Variants in NTM observed in about 807,000 individuals in gnomAD.
NTM encodes the protein IgLON family member 2.
NTM carries 13 observed loss-of-function variants against 42.1 expected under a neutral mutation model. The ratio of observed to expected loss-of-function variants is 0.31; its 90% CI spans 0.20 to 0.49. NTM has a LOEUF of 0.49. Ranked by LOEUF, NTM falls within the 20% of genes least tolerant of loss-of-function variation. The probability of loss-of-function intolerance (pLI) is 0.99; values close to 1 mark genes in which losing one functional copy is unlikely to be tolerated. For synonymous variants in NTM, 187 were observed against 179.2 expected, an observed-to-expected ratio of 1.04 and a Z score of -0.35; for missense variants, 373 against 452.8, an observed-to-expected ratio of 0.82 and a Z score of 1.60.
chr11:131,424,565 G>A (rs928782893), intron 1 of NTM, among the ~76,000 whole-genome samples: 4 of 116,292 alleles, frequency 3.4e-5, no homozygotes, highest in African/African-American at 1.3e-4. Flanking sequence ...CGTCTAGTTT[G>A]CAATTGCTTA....
chr11:132,162,177 G>A (rs751042157), intron 3 of NTM, among the ~76,000 whole-genome samples: 89 of 152,172 alleles, frequency 5.8e-4, no homozygotes, highest in South Asian at 1.2e-3. Flanking sequence ...GGGTATTTGT[G>A]TTTTGGGGGG....
intron 1 of NTM, among the ~76,000 whole-genome samples, chr11:131,561,131 G>A (rs1287631663): frequency 6.6e-6 from 1 of 152,202 alleles, no homozygotes; most frequent in East Asian, 1.9e-4. Flanking sequence ...GAGGAGAAAT[G>A]GGTTATTTCG....
intron 1 of NTM, among the ~76,000 whole-genome samples, chr11:131,844,105 A>T (rs1452401684): frequency 6.6e-6 from 1 of 152,046 alleles, no homozygotes; most frequent in African/African-American, 2.4e-5. Flanking sequence ...ATAATTTCCT[A>T]CCCGAAAAAC....
chr11:131,947,313 T>C (rs577377519), intron 2 of NTM, among the ~76,000 whole-genome samples: 2 of 152,202 alleles, frequency 1.3e-5, no homozygotes, highest in Admixed American at 6.5e-5. Context: ...TCTTCCCACC[T>C]GATGCTACTT....
intron 1 of NTM, among the ~76,000 whole-genome samples, chr11:131,792,570 T>C (rs574943711): frequency 6.6e-6 from 1 of 152,318 alleles, no homozygotes; most frequent in East Asian, 1.9e-4. Context: ...TTCATCTCTA[T>C]TTAATGCCAT....
At chr11:131,960,867 A>G (rs1415499714) in intron 2 of NTM, among the ~76,000 whole-genome samples, 1 of 152,148 alleles carries the variant, frequency 6.6e-6, no homozygotes, top group Non-Finnish European at 1.5e-5. Context: ...TGGAACTTTC[A>G]TCCTGAAGAT....
At chr11:132,138,144 CT>C (rs2068311715) in intron 2 of NTM, among the ~76,000 whole-genome samples, 1 of 152,128 alleles carries the variant, frequency 6.6e-6, no homozygotes, top group Non-Finnish European at 1.5e-5. Context: ...CCAAATTGCC[CT>C]GAAAGCAAGC....
intron 2 of NTM, among the ~76,000 whole-genome samples, chr11:132,011,014 G>A (rs1192205687): frequency 6.6e-6 from 1 of 150,916 alleles, no homozygotes; most frequent in Non-Finnish European, 1.5e-5. Context: ...TCTCGTATGG[G>A]CATTATCACA....
At chr11:131,916,236 C>T (rs1486224941) in intron 2 of NTM, among the ~76,000 whole-genome samples, 1 of 152,198 alleles carries the variant, frequency 6.6e-6, no homozygotes. Context: ...GCCCCAGAAG[C>T]CCCAATGCAT....
At chr11:132,253,978 G>C (rs923732120) in intron 4 of NTM, among the ~76,000 whole-genome samples, 5 of 152,150 alleles carry the variant, frequency 3.3e-5, no homozygotes, top group Admixed American at 3.3e-4. Context: ...ATGGAGTCTG[G>C]AGAAATGAGG....
intron 6 of NTM, among the ~76,000 whole-genome samples, chr11:132,313,458 A>G (rs1023494836): frequency 2.0e-5 from 3 of 150,546 alleles, no homozygotes; most frequent in African/African-American, 7.5e-5. Context: ...GAGATCCTTC[A>G]TCAAGAAGGG....
intron 4 of NTM, among the ~76,000 whole-genome samples, chr11:132,297,358 C>A (rs1029622148): frequency 6.6e-6 from 1 of 152,174 alleles, no homozygotes; most frequent in East Asian, 1.9e-4. Context: ...GGAAAGCCTG[C>A]GTTTTGCTCT....
At chr11:131,407,906 T>C (rs1296538442) in intron 1 of NTM, among the ~76,000 whole-genome samples, 3 of 152,336 alleles carry the variant, frequency 2.0e-5, no homozygotes, top group Middle Eastern at 3.4e-3. Context: ...ACCAGAGTGG[T>C]GCTAAATTGT....
intron 1 of NTM, among the ~76,000 whole-genome samples, chr11:131,453,178 A>G (rs774129086): frequency 8.5e-5 from 13 of 152,186 alleles, no homozygotes; most frequent in Non-Finnish European, 1.8e-4. Flanking sequence ...TCAGCCCCCA[A>G]CTATCATAGG....
At chr11:131,664,757 T>G (rs1440837566) in intron 1 of NTM, among the ~76,000 whole-genome samples, 6 of 7,382 alleles carry the variant, frequency 8.1e-4, no homozygotes, top group Middle Eastern at 0.042. Context: ...TCCATTGTTT[T>G]TTTTTTTTTT....
intron 1 of NTM, among the ~76,000 whole-genome samples, chr11:131,388,032 A>C (rs1293240248): frequency 6.6e-6 from 1 of 152,314 alleles, no homozygotes; most frequent in African/African-American, 2.4e-5. Context: ...CAGGATATTC[A>C]TCCTAAAATT....
intron 1 of NTM, among the ~76,000 whole-genome samples, chr11:131,858,270 G>A (rs950371539): frequency 1.1e-4 from 17 of 152,124 alleles, no homozygotes; most frequent in Admixed American, 6.5e-4. Context: ...GAATAGGCCA[G>A]GATGAGCAAG....
intron 2 of NTM, among the ~76,000 whole-genome samples, chr11:132,066,176 G>A (rs2056453223): frequency 6.6e-6 from 1 of 152,088 alleles, no homozygotes. Context: ...TGAATTTCAT[G>A]TTCCTCCATT....
chr11:131,641,707 C>CT (rs939434254), intron 1 of NTM, among the ~76,000 whole-genome samples: 3 of 149,658 alleles, frequency 2.0e-5, no homozygotes, highest in Non-Finnish European at 3.0e-5. Flanking sequence ...AACTGAGTTT[C>CT]TTTAAAGCTC....
Sources: gnomAD v4.1 joint callset for allele counts (sites outside exome capture counted in the v4.1 genomes callset) on GRCh38, gnomAD v4.1.1 for gene constraint, MANE v1.5 for transcripts, NCBI Gene and HGNC (gene_info 2026-07-23, HGNC 2026-07-21) for gene names.